ARF3: variants seen among roughly 807,000 people sequenced by gnomAD.
ARF3 encodes the protein ARF GTPase 3.
In ARF3, 5 loss-of-function variants were observed where a neutral mutation model predicts 19.3. The observed-to-expected ratio is 0.26, with a 90% CI of 0.14 to 0.54. ARF3 has a LOEUF of 0.54. Among genes scored for constraint, ARF3 ranks in the 20% least tolerant of loss-of-function variants. The probability of loss-of-function intolerance (pLI) is 0.95; values close to 1 mark genes in which losing one functional copy is unlikely to be tolerated. For missense variants in ARF3, 77 were observed against 234.2 expected, an observed-to-expected ratio of 0.33 and a Z score of 4.38; for synonymous variants, 71 against 89.2, an observed-to-expected ratio of 0.80 and a Z score of 1.15.
rs1940187614 is a variant in ARF3 at position 48,938,371 on chromosome 12, C to T, written c.*576G>A. 2.2e-6 allele frequency: 1 copy of T among 454,212 alleles called. No individual in the cohort carries two copies. The highest frequency in any genetic ancestry group is 4.4e-6 in the Non-Finnish European group (1 of 226,954). The allele number at this position is 454,212 out of a possible 1,614,324, so 28.1% of individuals were successfully genotyped here. A position where few individuals can be genotyped will look rare whatever the true frequency, so the allele number is the denominator to read the frequency against. ...TCACCAACACGGAAGGGGCAGATGA[C>T]AGGCTCCAGTGGGCAGTGTCCTGGC... On this transcript the variant is annotated 3_prime_UTR_variant, in exon 5 of 5. Transcript: ENST00000256682.
intron 1 of ARF3, among the ~76,000 whole-genome samples, chr12:48,948,497 C>A (rs1208965351): frequency 1.3e-5 from 2 of 152,050 alleles, no homozygotes; most frequent in Non-Finnish European, 2.9e-5. Context: ...TTCAAACGAT[C>A]CTCCAGTCTC....
intron 1 of ARF3, among the ~76,000 whole-genome samples, chr12:48,953,989 GAA>G (rs1940514358): frequency 6.6e-6 from 1 of 152,316 alleles, no homozygotes; most frequent in Admixed American, 6.5e-5. Flanking sequence ...TGGACTAAAT[GAA>G]AAGAGTGGAC....
chr12:48,948,249 CTT>C (rs1333209380), intron 1 of ARF3, among the ~76,000 whole-genome samples: 120 of 145,292 alleles, frequency 8.3e-4, no homozygotes, highest in African/African-American at 3.0e-3. Flanking sequence ...TCAGATAGCA[CTT>C]TAAAAAAATT....
chr12:48,940,947 C>G lies in ARF3; in HGVS notation c.148+1G>C, dbSNP rs756541213. ...AGCCCACATCCAAGCTGTGCTCTTACCAATGGTAGGGATGGTGGTGACGAT... is the reference window on the plus strand; with the variant it reads ...AGCCCACATCCAAGCTGTGCTCTTAGCAATGGTAGGGATGGTGGTGACGAT... On this transcript the variant is annotated splice_donor_variant, in intron 2 of 4. Transcript: ENST00000256682. LOFTEE classifies it high-confidence loss of function. 1 of 1,600,272 alleles carries G rather than the reference C, an allele frequency of 6.2e-7. No homozygotes were observed. Among genetic ancestry groups the G allele is most frequent in the Non-Finnish European group, 8.5e-7 (1 of 1,172,058 alleles).
chr12:48,956,808 AC>A (rs1254482673), intron 1 of ARF3, among the ~76,000 whole-genome samples: 2 of 151,928 alleles, frequency 1.3e-5, no homozygotes, highest in Non-Finnish European at 2.9e-5. Flanking sequence ...CTGTTGGCTA[AC>A]CCCCAACCCC....
intron 1 of ARF3, among the ~76,000 whole-genome samples, chr12:48,947,113 A>T (rs181125376): frequency 8.9e-4 from 135 of 152,342 alleles, no homozygotes; most frequent in Middle Eastern, 3.4e-3. Flanking sequence ...AAACAAAAGC[A>T]GAGTACGCCC....
Position 48,939,907 on chromosome 12 carries a change from C to CTGCA in ARF3, c.259+86_259+89dup. ...CCTCCCTTTCTTCTGCCCCCAGGAG[C>CTGCA]TGCAGCAGGGTAACAGTTGGCCACC... On this transcript the variant is annotated intron_variant, in intron 3 of 4. Coordinates refer to ENST00000256682, the MANE Select transcript of ARF3 (RefSeq NM_001659.3). This position sits in a 1 kb window ranked among gnomAD's most constrained non-coding sequence, Gnocchi z 4.8. 1 of 1,588,718 alleles carries CTGCA rather than the reference C, an allele frequency of 6.3e-7. No individual in the cohort carries two copies. Among genetic ancestry groups the CTGCA allele is most frequent in the Non-Finnish European group, 8.6e-7 (1 of 1,157,936 alleles).
At chr12:48,949,295 G>A (rs928133807) in intron 1 of ARF3, among the ~76,000 whole-genome samples, 68 of 152,250 alleles carry the variant, frequency 4.5e-4, no homozygotes, top group East Asian at 1.9e-3. Flanking sequence ...GCGCGATCTC[G>A]GCTCACTGCA....
intron 1 of ARF3, among the ~76,000 whole-genome samples, chr12:48,948,494 G>A (rs1021453830): frequency 5.9e-5 from 9 of 151,930 alleles, no homozygotes; most frequent in African/African-American, 1.5e-4. Flanking sequence ...GACTTCAAAC[G>A]ATCCTCCAGT....
At chr12:48,944,072 A>T (rs879395080) in intron 1 of ARF3, among the ~76,000 whole-genome samples, 3 of 152,242 alleles carry the variant, frequency 2.0e-5, no homozygotes, top group African/African-American at 7.2e-5. Context: ...AAGTCTTCCT[A>T]GTCTTCTAGC....
intron 1 of ARF3, chr12:48,941,558 C>T (rs1270042614): frequency 6.6e-6 from 1 of 152,526 alleles, no homozygotes; most frequent in African/African-American, 2.4e-5. Context: ...CCTCCCCTAA[C>T]CTTACTTACC....
intron 1 of ARF3, among the ~76,000 whole-genome samples, chr12:48,941,977 T>A (rs1182039427): frequency 6.6e-6 from 1 of 152,172 alleles, no homozygotes; most frequent in African/African-American, 2.4e-5. Context: ...AGTCATCTCA[T>A]TGGTTCTCTG....
At chr12:48,948,998 G>C (rs531904802) in intron 1 of ARF3, among the ~76,000 whole-genome samples, 18 of 152,276 alleles carry the variant, frequency 1.2e-4, no homozygotes, top group African/African-American at 4.3e-4. Context: ...TAGTAATACA[G>C]GTGAGAAATC....
intron 1 of ARF3, among the ~76,000 whole-genome samples, chr12:48,943,238 G>GATTC (rs964611452): frequency 6.6e-6 from 1 of 152,202 alleles, no homozygotes; most frequent in Non-Finnish European, 1.5e-5. Context: ...GACAGAATCA[G>GATTC]ATTCATTCAT....
chr12:48,938,124 AAG>A lies in ARF3; in HGVS notation c.*821_*822del, dbSNP rs1424373630. The A allele has an allele frequency of 6.2e-6, 2 of 321,236 alleles. No individual in the cohort carries two copies. The highest frequency in any genetic ancestry group is 1.2e-5 in the Non-Finnish European group (2 of 160,782). The allele number at this position is 321,236 out of a possible 1,614,324, so 19.9% of individuals were successfully genotyped here. ...GGGTTCCTCTCTCCTTCCCAACAGT[AAG>A]GCAGAGCAGAGTGGCATCTCCTTGG... On this transcript the variant is annotated 3_prime_UTR_variant, in exon 5 of 5. Transcript: ENST00000256682.
At chr12:48,954,858 TA>T (rs1353705309) in intron 1 of ARF3, among the ~76,000 whole-genome samples, 20 of 146,874 alleles carry the variant, frequency 1.4e-4, no homozygotes, top group Non-Finnish European at 7.5e-5. Context: ...CTACAAAAAG[TA>T]AAAAAAAAAA....
At chr12:48,953,999 G>C (rs1940514572) in intron 1 of ARF3, among the ~76,000 whole-genome samples, 1 of 152,254 alleles carries the variant, frequency 6.6e-6, no homozygotes, top group African/African-American at 2.4e-5. Context: ...GAAAAGAGTG[G>C]ACTAAATGAA....
intron 1 of ARF3, among the ~76,000 whole-genome samples, chr12:48,950,965 T>TTAC (rs1361430764): frequency 4.6e-5 from 7 of 152,026 alleles, no homozygotes; most frequent in Non-Finnish European, 8.8e-5. Flanking sequence ...TTTTTTGTAT[T>TTAC]TAGTAGAGAC....
At chr12:48,943,459 C>G (rs1431572064) in intron 1 of ARF3, among the ~76,000 whole-genome samples, 1 of 152,196 alleles carries the variant, frequency 6.6e-6, no homozygotes, top group Non-Finnish European at 1.5e-5. Flanking sequence ...GAGACACACA[C>G]ACACCCCAAA....
Sources: gnomAD v4.1 joint callset for allele counts (sites outside exome capture counted in the v4.1 genomes callset) on GRCh38, gnomAD v4.1.1 for gene constraint, Gnocchi (gnomAD v3.1) non-coding constraint, MANE v1.5 for transcripts, NCBI Gene and HGNC (gene_info 2026-07-23, HGNC 2026-07-21) for gene names.